PDE4D: variants seen among roughly 807,000 people sequenced by gnomAD.
The protein encoded by PDE4D is phosphodiesterase 4D.
A neutral mutation model predicts 87.4 loss-of-function variants in PDE4D; 24 were observed. The ratio of observed to expected loss-of-function variants is 0.27; its 90% CI spans 0.20 to 0.39. The LOEUF is 0.39. Among genes scored for constraint, PDE4D ranks in the 10% least tolerant of loss-of-function variants. PDE4D has a pLI of 1.00. For synonymous variants in PDE4D, 384 were observed against 383.2 expected, an observed-to-expected ratio of 1.00 and a Z score of -0.02; for missense variants, 714 against 1,041.0, an observed-to-expected ratio of 0.69 and a Z score of 4.32.
At chr5:59,339,161 C>G (rs997722687) in intron 1 of PDE4D, among the ~76,000 whole-genome samples, 1 of 152,218 alleles carries the variant, frequency 6.6e-6, no homozygotes, top group Non-Finnish European at 1.5e-5. Flanking sequence ...CTTTGACTCC[C>G]TTTGGATCAC....
chr5:59,014,496 AC>A (rs1156283737), intron 6 of PDE4D, among the ~76,000 whole-genome samples: 1 of 152,190 alleles, frequency 6.6e-6, no homozygotes, highest in Non-Finnish European at 1.5e-5. Flanking sequence ...ATTCCTATAC[AC>A]CAATAACAGA....
At chr5:60,133,945 T>C (rs966161770) in intron 2 of PDE4D, among the ~76,000 whole-genome samples, 1 of 152,174 alleles carries the variant, frequency 6.6e-6, no homozygotes, top group African/African-American at 2.4e-5. Flanking sequence ...TCTTCAATTA[T>C]GAATATAGTT....
chr5:59,371,341 T>C (rs908311942), intron 1 of PDE4D, among the ~76,000 whole-genome samples: 2 of 152,156 alleles, frequency 1.3e-5, no homozygotes, highest in African/African-American at 4.8e-5. Flanking sequence ...TTCAGAACAA[T>C]TGATATTTTG....
At chr5:59,531,931 T>C (rs796631954) in intron 1 of PDE4D, among the ~76,000 whole-genome samples, 7 of 152,312 alleles carry the variant, frequency 4.6e-5, no homozygotes, top group African/African-American at 1.7e-4. Flanking sequence ...CTATATTCAT[T>C]GGAATGTAAG....
intron 1 of PDE4D, among the ~76,000 whole-genome samples, chr5:59,691,555 C>A (rs949613401): frequency 3.1e-5 from 4 of 127,134 alleles, no homozygotes; most frequent in Non-Finnish European, 4.7e-5. Context: ...GAACACCACA[C>A]ACCGGGGTCT....
At chr5:59,954,840 G>T (rs1026228801) in intron 3 of PDE4D, among the ~76,000 whole-genome samples, 1 of 152,120 alleles carries the variant, frequency 6.6e-6, no homozygotes, top group South Asian at 2.1e-4. Flanking sequence ...CAGTGCTGAC[G>T]ATGTAATAAG....
intron 11 of PDE4D, among the ~76,000 whole-genome samples, chr5:58,987,475 A>G (rs1746738647): frequency 6.6e-6 from 1 of 152,186 alleles, no homozygotes; most frequent in Non-Finnish European, 1.5e-5. Context: ...ATAGGTAAAT[A>G]ATCCTAAAGC....
chr5:59,124,905 A>T (rs1039684982), intron 5 of PDE4D, among the ~76,000 whole-genome samples: 5 of 152,136 alleles, frequency 3.3e-5, no homozygotes, highest in Non-Finnish European at 7.4e-5. Context: ...ATTATGGCAA[A>T]TGTTAATGTT....
intron 3 of PDE4D, among the ~76,000 whole-genome samples, chr5:59,948,558 G>A (rs1757942731): frequency 6.6e-6 from 1 of 152,140 alleles, no homozygotes; most frequent in Non-Finnish European, 1.5e-5. Context: ...AAAATGGGAT[G>A]AATAAAACAA....
At chr5:59,578,662 C>T (rs1190230872) in intron 1 of PDE4D, among the ~76,000 whole-genome samples, 2 of 152,148 alleles carry the variant, frequency 1.3e-5, no homozygotes, top group African/African-American at 2.4e-5. Context: ...CTGCTCCTCC[C>T]TGGTCCTCTT....
chr5:59,479,038 A>G (rs903078651), intron 1 of PDE4D, among the ~76,000 whole-genome samples: 7 of 152,132 alleles, frequency 4.6e-5, no homozygotes, highest in Non-Finnish European at 7.4e-5. Context: ...CACAAGAAAC[A>G]CGTCATAAAA....
chr5:59,766,230 C>T (rs1349735262), intron 1 of PDE4D, among the ~76,000 whole-genome samples: 1 of 152,226 alleles, frequency 6.6e-6, no homozygotes, highest in Non-Finnish European at 1.5e-5. Context: ...CTCTTTCCAA[C>T]TCCCTTGCCT....
intron 1 of PDE4D, among the ~76,000 whole-genome samples, chr5:59,415,535 T>C (rs574794118): frequency 2.0e-5 from 3 of 152,336 alleles, no homozygotes; most frequent in Non-Finnish European, 4.4e-5. Context: ...TATTTATGAA[T>C]TAAAAGACTG....
chr5:59,250,713 G>A (rs183352286), intron 1 of PDE4D, among the ~76,000 whole-genome samples: 11 of 152,132 alleles, frequency 7.2e-5, no homozygotes, highest in African/African-American at 2.2e-4. Flanking sequence ...AAAAGAGCCC[G>A]AATAGCCAAG....
chr5:59,271,433 G>A (rs1763834504), intron 1 of PDE4D, among the ~76,000 whole-genome samples: 1 of 152,128 alleles, frequency 6.6e-6, no homozygotes, highest in Non-Finnish European at 1.5e-5. Flanking sequence ...TTGAAAATGA[G>A]AATAACTGAG....
At chr5:60,288,591 T>G (rs1752624312) in intron 1 of PDE4D, among the ~76,000 whole-genome samples, 1 of 152,230 alleles carries the variant, frequency 6.6e-6, no homozygotes, top group African/African-American at 2.4e-5. Flanking sequence ...AAAAAAGTTT[T>G]TTAACTATAA....
intron 2 of PDE4D, among the ~76,000 whole-genome samples, chr5:60,110,519 G>A (rs1251077584): frequency 6.6e-6 from 1 of 152,086 alleles, no homozygotes; most frequent in East Asian, 1.9e-4. Flanking sequence ...TGGCAAAGAT[G>A]CAGAGAAAAG....
chr5:59,214,132 C>T (rs1750727326), intron 2 of PDE4D, among the ~76,000 whole-genome samples: 1 of 151,902 alleles, frequency 6.6e-6, no homozygotes, highest in Non-Finnish European at 1.5e-5. Flanking sequence ...ACTGCCATCA[C>T]TCCCTTGACT....
Position 59,683,609 on chromosome 5 carries a change from T to C in PDE4D, c.455+209559A>G, listed in dbSNP as rs534255600. 2.6e-4 allele frequency among the ~76,000 whole-genome samples: 39 copies of C among 152,272 alleles called. 1 individual carries two copies. The Middle Eastern group carries it at 0.031, about 120-fold the overall frequency. The stretch of plus-strand genomic sequence containing the variant: ...AACCACACTGTACAGAAAGTAAATA[T>C]ATATCGAGCAGAAAATAGCTATTCG... On this transcript the variant is annotated intron_variant, in intron 1 of 14. Transcript: ENST00000340635.
Sources: allele counts gnomAD v4.1 joint callset (sites outside exome capture counted in the v4.1 genomes callset), GRCh38; gene constraint gnomAD v4.1.1; transcripts MANE v1.5; gene names NCBI Gene and HGNC (gene_info 2026-07-23, HGNC 2026-07-21).